NAV3: variants seen among roughly 807,000 people sequenced by gnomAD.
NAV3 encodes the protein pore membrane and/or filament interacting like protein 1.
In NAV3, 87 loss-of-function variants were observed where a neutral mutation model predicts 244.7. The observed-to-expected ratio is 0.36, with a 90% CI of 0.30 to 0.42. The LOEUF (loss-of-function observed/expected upper bound fraction) is 0.42, where lower values mean the gene tolerates loss of function less well. Among genes scored for constraint, NAV3 ranks in the 20% least tolerant of loss-of-function variants. The probability of loss-of-function intolerance (pLI) is 1.00; values close to 1 mark genes in which losing one functional copy is unlikely to be tolerated. For synonymous variants in NAV3, 1,126 were observed against 1,042.2 expected, an observed-to-expected ratio of 1.08 and a Z score of -1.55; for missense variants, 2,663 against 2,893.3, an observed-to-expected ratio of 0.92 and a Z score of 1.83.
At position 78,140,443 on chromosome 12, in the gene NAV3, G is replaced by A. The variant is rs2290104; in HGVS notation, c.4683+109G>A. 51 of 1,000,490 alleles carry A rather than the reference G, an allele frequency of 5.1e-5. No homozygotes were observed. The East Asian group carries it at 1.2e-3, about 23-fold the overall frequency. The allele number at this position is 1,000,490 out of a possible 1,614,324, so 62.0% of individuals were successfully genotyped here. A position where few individuals can be genotyped will look rare whatever the true frequency, so the allele number is the denominator to read the frequency against. ...ACATTCATCTATGACTTGCACAGGA[G>A]TTGTGTAGCAAAATAACGGCATACT... On this transcript the variant is annotated intron_variant, in intron 20 of 39. Coordinates refer to ENST00000397909, the MANE Select transcript of NAV3 (RefSeq NM_001024383.2).
intron 1 of NAV3, among the ~76,000 whole-genome samples, chr12:77,856,351 G>A (rs1235956055): frequency 6.6e-6 from 1 of 152,076 alleles, no homozygotes; most frequent in African/African-American, 2.4e-5. Context: ...AAATTAGGAG[G>A]AAATACTGAT....
intron 2 of NAV3, among the ~76,000 whole-genome samples, chr12:77,799,079 T>C (rs913560868): frequency 6.6e-6 from 1 of 152,184 alleles, no homozygotes; most frequent in Non-Finnish European, 1.5e-5. Flanking sequence ...TTGGGCCACA[T>C]GTCTATAGCA....
At position 78,163,173 on chromosome 12, in the gene NAV3, G is replaced by A. The variant is rs979295124; in HGVS notation, c.4869+3887G>A. 2.6e-5 allele frequency among the ~76,000 whole-genome samples: 4 copies of A among 151,572 alleles called. No homozygotes were observed. In the Admixed American group the frequency reaches 2.6e-4, roughly 10 times the overall value. The stretch of plus-strand genomic sequence containing the variant: ...TTCTAGTCTTTGGGCTTCACAGTGT[G>A]ATTTTCAGCAATCACATGGCATTAA... On this transcript the variant is annotated intron_variant, in intron 23 of 39. Transcript: ENST00000397909.
At chr12:77,964,710 A>C (rs990663459) in intron 3 of NAV3, among the ~76,000 whole-genome samples, 1 of 152,178 alleles carries the variant, frequency 6.6e-6, no homozygotes, top group Non-Finnish European at 1.5e-5. Flanking sequence ...AATAAGATTT[A>C]TTATGTTATG....
intron 18 of NAV3, among the ~76,000 whole-genome samples, chr12:78,131,346 A>G (rs1956157729): frequency 6.6e-6 from 1 of 152,224 alleles, no homozygotes; most frequent in Non-Finnish European, 1.5e-5. Flanking sequence ...TATAGTGATA[A>G]GAGAATTTAC....
intron 2 of NAV3, among the ~76,000 whole-genome samples, chr12:77,662,219 ATCTATCTG>A (rs200300100): frequency 0.027 from 2,813 of 102,802 alleles, 88 homozygotes; most frequent in African/African-American, 0.091. Flanking sequence ...ATATCTTCAT[ATCTATCTG>A]TCTATCTATC....
chr12:77,922,329 G>A (rs74106214), intron 1 of NAV3, among the ~76,000 whole-genome samples: 2,633 of 152,124 alleles, frequency 0.017, 79 homozygotes, highest in African/African-American at 0.06. Flanking sequence ...GAGGGCCAGC[G>A]CTTCTTTTCC....
At chr12:78,199,672 G>A in intron 37 of NAV3, 141 bp downstream of exon 37, 1 of 584,706 alleles carries the variant, frequency 1.7e-6, no homozygotes. Flanking sequence ...CCTTCTGAAA[G>A]TTTGCGTTCT....
intron 12 of NAV3, among the ~76,000 whole-genome samples, chr12:78,070,766 C>T (rs1354053156): frequency 4.1e-5 from 6 of 146,444 alleles, no homozygotes; most frequent in African/African-American, 1.5e-4. Context: ...TGTGATCTCA[C>T]TGTTCAATTC....
intron 1 of NAV3, among the ~76,000 whole-genome samples, chr12:77,871,974 G>A (rs953101534): frequency 5.3e-5 from 8 of 152,036 alleles, no homozygotes; most frequent in Admixed American, 1.3e-4. Context: ...TTTAGTGACC[G>A]CCATTCTAAC....
intron 17 of NAV3, 110 bp downstream of exon 17, chr12:78,127,318 C>A: frequency 9.3e-7 from 1 of 1,076,634 alleles, no homozygotes; most frequent in Non-Finnish European, 1.4e-6. Context: ...ACATTGAGGA[C>A]GAAATCACTT....
intron 23 of NAV3, among the ~76,000 whole-genome samples, chr12:78,165,544 G>A (rs1423175057): frequency 6.6e-6 from 1 of 151,534 alleles, no homozygotes; most frequent in Non-Finnish European, 1.5e-5. Context: ...TAGCTATCTT[G>A]GGAATTCATT....
chr12:78,104,336 A>G (rs73143975), intron 12 of NAV3, among the ~76,000 whole-genome samples: 1,644 of 152,306 alleles, frequency 0.011, 13 homozygotes, highest in Middle Eastern at 0.027. Flanking sequence ...ATTACCTACA[A>G]ATGGCATTTT....
At chr12:77,619,709 G>A (rs115834565) in intron 2 of NAV3, among the ~76,000 whole-genome samples, 1 of 152,140 alleles carries the variant, frequency 6.6e-6, no homozygotes, top group African/African-American at 2.4e-5. Context: ...AATAAGTAGA[G>A]TTGTCATGGT....
chr12:78,062,688 C>A (rs945343854), intron 12 of NAV3, among the ~76,000 whole-genome samples: 1 of 152,012 alleles, frequency 6.6e-6, no homozygotes, highest in African/African-American at 2.4e-5. Context: ...ATAGCAGAAA[C>A]TCAGAAATAT....
At chr12:77,658,485 C>T (rs1218783259) in intron 2 of NAV3, among the ~76,000 whole-genome samples, 1 of 149,054 alleles carries the variant, frequency 6.7e-6, no homozygotes, top group Non-Finnish European at 1.5e-5. Flanking sequence ...AAGAACATTC[C>T]ATGCTCATGG....
intron 1 of NAV3, among the ~76,000 whole-genome samples, chr12:77,894,187 A>G (rs1277847324): frequency 1.3e-5 from 2 of 152,094 alleles, no homozygotes; most frequent in African/African-American, 4.8e-5. Context: ...TCTTTTGCCA[A>G]TTGACTAACA....
At chr12:78,033,880 G>A (rs528862890) in intron 9 of NAV3, among the ~76,000 whole-genome samples, 1 of 152,240 alleles carries the variant, frequency 6.6e-6, no homozygotes, top group African/African-American at 2.4e-5. Context: ...TTCCTGAGCA[G>A]AAACTTAAGA....
At chr12:77,668,229 AT>A in intron 2 of NAV3, among the ~76,000 whole-genome samples, 1 of 152,306 alleles carries the variant, frequency 6.6e-6, no homozygotes, top group African/African-American at 2.4e-5. Context: ...AAAGTTCTTG[AT>A]TACCCCCAAA....
Sources: allele counts gnomAD v4.1 joint callset (sites outside exome capture counted in the v4.1 genomes callset), GRCh38; gene constraint gnomAD v4.1.1; transcripts MANE v1.5; gene names NCBI Gene and HGNC (gene_info 2026-07-23, HGNC 2026-07-21).